The following SPRED2 variants were observed in gnomAD, a reference collection of about 807,000 sequenced individuals.
SPRED2 encodes sprouty related EVH1 domain containing 2.
Under a neutral mutation model 43.0 loss-of-function variants are expected in SPRED2, and 47 were observed. The ratio of observed to expected loss-of-function variants is 1.09; its 90% CI spans 0.87 to 1.40. The LOEUF is 1.40. Ranked by LOEUF, SPRED2 falls within the 40% of genes most tolerant of loss-of-function variation. SPRED2 has a pLI of 0.00. For synonymous variants in SPRED2, 225 were observed against 225.7 expected, an observed-to-expected ratio of 1.00 and a Z score of 0.03; for missense variants, 561 against 586.4, an observed-to-expected ratio of 0.96 and a Z score of 0.45.
At chr2:65,426,486 C>CA (rs1676560925) in intron 1 of SPRED2, among the ~76,000 whole-genome samples, 1 of 152,132 alleles carries the variant, frequency 6.6e-6, no homozygotes, top group South Asian at 2.1e-4. Context: ...ACCTTGAATC[C>CA]AAAAAACTCA....
At chr2:65,409,658 T>G (rs141993991) in intron 1 of SPRED2, among the ~76,000 whole-genome samples, 1 of 140,114 alleles carries the variant, frequency 7.1e-6, no homozygotes, top group Non-Finnish European at 1.5e-5. Flanking sequence ...CTGGCAAGAC[T>G]GATTTGAGTG....
rs1464500002 is a variant in SPRED2, at chr2:65,334,778, A to G, written c.205-5T>C. ...TACATAGCATTCCAATACCACCTGAAGGATGGAAACACACAGGCTGGTTAC... is the reference window on the plus strand; with the variant it reads ...TACATAGCATTCCAATACCACCTGAGGGATGGAAACACACAGGCTGGTTAC... On this transcript the variant is annotated splice_region_variant and splice_polypyrimidine_tract_variant and intron_variant, in intron 2 of 5. Transcript: ENST00000356388. 1 of 1,614,146 alleles carries G rather than the reference A, an allele frequency of 6.2e-7. No individual in the cohort carries two copies. Among genetic ancestry groups the G allele is most frequent in the Non-Finnish European group, 8.5e-7 (1 of 1,179,996 alleles).
At chr2:65,332,254 T>C in intron 3 of SPRED2, 1 of 425,998 alleles carries the variant, frequency 2.3e-6, no homozygotes, top group Non-Finnish European at 4.4e-6. Context: ...AAATTAACTT[T>C]GCCTGCTGTT....
chr2:65,356,406 G>C (rs1446613226), intron 1 of SPRED2, among the ~76,000 whole-genome samples: 1 of 152,058 alleles, frequency 6.6e-6, no homozygotes, highest in Non-Finnish European at 1.5e-5. Flanking sequence ...GGGAGAGTGA[G>C]AGATTTGTAG....
intron 1 of SPRED2, among the ~76,000 whole-genome samples, chr2:65,376,805 C>G (rs531882302): frequency 6.6e-6 from 1 of 152,094 alleles, no homozygotes; most frequent in Admixed American, 6.5e-5. Context: ...AGCTCTGCCT[C>G]CCGGGTTTAC....
intron 2 of SPRED2, among the ~76,000 whole-genome samples, chr2:65,336,965 G>A (rs1419511358): frequency 1.3e-4 from 20 of 152,234 alleles, no homozygotes; most frequent in African/African-American, 3.9e-4. Flanking sequence ...AAAATTAGCC[G>A]GGCATGGTGG....
chr2:65,310,016 C>T, downstream of SPRED2, among the ~76,000 whole-genome samples: 1 of 152,150 alleles, frequency 6.6e-6, no homozygotes, highest in East Asian at 1.9e-4. Context: ...TTCAGTTGCT[C>T]AACTGTGACA....
At chr2:65,309,943 T>C (rs888103348), downstream of SPRED2, among the ~76,000 whole-genome samples, 2 of 152,188 alleles carry the variant, frequency 1.3e-5, no homozygotes, top group Non-Finnish European at 2.9e-5. Flanking sequence ...CTAGCCCAGC[T>C]CAGCCTGGTT....
chr2:65,386,934 A>T (rs1403009213), intron 1 of SPRED2, among the ~76,000 whole-genome samples: 1 of 151,890 alleles, frequency 6.6e-6, no homozygotes, highest in Admixed American at 6.6e-5. Context: ...ACCATACTTC[A>T]CCTAGAACTC....
rs181494791 is a variant in SPRED2, at chr2:65,344,525, A to G, written c.204+194T>C. 9 of 745,056 alleles carry G rather than the reference A, an allele frequency of 1.2e-5. No homozygotes were observed. The East Asian group carries it at 2.5e-4, about 20-fold the overall frequency. 46.2% of individuals were successfully genotyped at this position (745,056 alleles called of 1,614,324 possible). A position where few individuals can be genotyped will look rare whatever the true frequency, so the allele number is the denominator to read the frequency against. On this transcript the variant is annotated intron_variant, in intron 2 of 5. Transcript: ENST00000356388. The stretch of plus-strand genomic sequence containing the variant: ...ATCTCGGATAAAGCGTGTGGTCAAA[A>G]GAGACTTTGCTGGAAAGGACAGTCA...
chr2:65,429,257 C>T (rs1419338520), intron 1 of SPRED2, among the ~76,000 whole-genome samples: 1 of 152,226 alleles, frequency 6.6e-6, no homozygotes, highest in Non-Finnish European at 1.5e-5. Context: ...ACCTTTACTA[C>T]ATGTAGACTA....
chr2:65,311,693 A>C lies in SPRED2; in HGVS notation c.*1808T>G. Reference sequence around the variant, plus strand: ...ATGGACAGCTCTCTGCTCCTTTTCCAAACTGGAAAGCCTAAACCAGTTACT... The same window carrying C: ...ATGGACAGCTCTCTGCTCCTTTTCCCAACTGGAAAGCCTAAACCAGTTACT... On this transcript the variant is annotated 3_prime_UTR_variant, in exon 6 of 6. Transcript: ENST00000356388. 2.0e-6 allele frequency: 2 copies of C among 985,502 alleles called. No individual in the cohort carries two copies. The highest frequency in any genetic ancestry group is 2.4e-6 in the Non-Finnish European group (2 of 829,936). The allele number at this position is 985,502 out of a possible 1,614,324, so 61.0% of individuals were successfully genotyped here.
At chr2:65,322,260 CT>C (rs1673442261) in intron 4 of SPRED2, among the ~76,000 whole-genome samples, 1 of 76,020 alleles carries the variant, frequency 1.3e-5, no homozygotes, top group Non-Finnish European at 2.4e-5. Context: ...CTCTCTCTCT[CT>C]CTCTCTCTCT....
Position 65,431,856 on chromosome 2 carries a change from AC to A in SPRED2, c.26+105del, listed in dbSNP as rs1192596675. ...CGCCGAAAGGTCAGCGAGTCGCTGCACCCCACGCCAAGTTCACCCAATAAGC... is the reference window on the plus strand; with the variant it reads ...CGCCGAAAGGTCAGCGAGTCGCTGCACCCACGCCAAGTTCACCCAATAAGC... On this transcript the variant is annotated intron_variant, in intron 1 of 5. Coordinates refer to ENST00000356388, the MANE Select transcript of SPRED2 (RefSeq NM_181784.3). 11 of 1,352,230 alleles carry A rather than the reference AC, an allele frequency of 8.1e-6. No homozygotes were observed. In the East Asian group the frequency reaches 2.3e-4, roughly 28 times the overall value. 83.8% of individuals were successfully genotyped at this position (1,352,230 alleles called of 1,614,324 possible).
Position 65,339,102 on chromosome 2 carries a change from G to C in SPRED2, c.205-4329C>G, listed in dbSNP as rs1388117072. 1.4e-4 allele frequency among the ~76,000 whole-genome samples: 10 copies of C among 72,220 alleles called. 3 individuals are homozygous for C. In the East Asian group the frequency reaches 2.1e-3, roughly 15 times the overall value. The allele number at this position is 72,220 out of a possible 152,430, so 47.4% of individuals were successfully genotyped here. ...GCTCCGTCCGGGAGGGAGGTTGGGC[G>C]GGGGGTCAGCGCCCCCTCCCGGCCA... is the stretch of plus-strand genomic sequence containing the variant. On this transcript the variant is annotated intron_variant, in intron 2 of 5. Transcript: ENST00000356388.
At chr2:65,315,072 A>G (rs1673195678) in intron 5 of SPRED2, among the ~76,000 whole-genome samples, 1 of 146,482 alleles carries the variant, frequency 6.8e-6, no homozygotes, top group South Asian at 2.1e-4. Flanking sequence ...CCTTGTCCAG[A>G]GCAGCAGACA....
chr2:65,341,153 T>G (rs1674173520), intron 2 of SPRED2, among the ~76,000 whole-genome samples: 1 of 150,002 alleles, frequency 6.7e-6, no homozygotes, highest in South Asian at 2.1e-4. Flanking sequence ...GTGCTGGGTA[T>G]GGGTGTGAGG....
chr2:65,371,706 T>A (rs1675128248), intron 1 of SPRED2, among the ~76,000 whole-genome samples: 1 of 152,024 alleles, frequency 6.6e-6, no homozygotes, highest in Admixed American at 6.5e-5. Flanking sequence ...ATGTTCAGCT[T>A]GGCCAGAGCC....
At chr2:65,327,612 G>T (rs2104181303) in intron 4 of SPRED2, among the ~76,000 whole-genome samples, 1 of 151,744 alleles carries the variant, frequency 6.6e-6, no homozygotes, top group Non-Finnish European at 1.5e-5. Context: ...CCTGTGTTGG[G>T]TCTCAATCAG....
Sources: gnomAD v4.1 joint callset for allele counts (sites outside exome capture counted in the v4.1 genomes callset) on GRCh38, gnomAD v4.1.1 for gene constraint, MANE v1.5 for transcripts, NCBI Gene and HGNC (gene_info 2026-07-23, HGNC 2026-07-21) for gene names.